The following ATRNL1 variants were observed in gnomAD, a reference collection of about 807,000 sequenced individuals.
ATRNL1 encodes the protein attractin-like protein 1.
Under a neutral mutation model 182.7 loss-of-function variants are expected in ATRNL1, and 95 were observed. That is an observed-to-expected ratio of 0.52 (90% CI 0.44 to 0.62). The LOEUF is 0.62. Among genes scored for constraint, ATRNL1 ranks in the 20% least tolerant of loss-of-function variants. The probability of loss-of-function intolerance (pLI) is 0.00; values close to 1 mark genes in which losing one functional copy is unlikely to be tolerated. For missense variants in ATRNL1, 1,471 were observed against 1,679.5 expected, an observed-to-expected ratio of 0.88 and a Z score of 2.17; for synonymous variants, 576 against 568.3, an observed-to-expected ratio of 1.01 and a Z score of -0.19.
chr10:115,729,495 T>TTGTGTGTGTGTGTGTGTGTGTGTGTGTG (rs139166434), intron 27 of ATRNL1, among the ~76,000 whole-genome samples: 1 of 142,100 alleles, frequency 7.0e-6, no homozygotes, highest in African/African-American at 2.6e-5. Context: ...CTACCCCATT[T>TTGTGTGTGTGTGTGTGTGTGTGTGTGTG]TGTGTGTGTG....
intron 5 of ATRNL1, among the ~76,000 whole-genome samples, chr10:115,137,146 C>G (rs782264372): frequency 2.0e-5 from 3 of 152,060 alleles, no homozygotes; most frequent in Admixed American, 6.6e-5. Flanking sequence ...GAGCCAAGAT[C>G]GCACCATTGC....
At chr10:115,131,873 T>C (rs924686501) in intron 5 of ATRNL1, among the ~76,000 whole-genome samples, 1 of 152,224 alleles carries the variant, frequency 6.6e-6, no homozygotes, top group Non-Finnish European at 1.5e-5. Flanking sequence ...ACTTGGGTTT[T>C]ATTAAGATAA....
chr10:115,172,197 A>T (rs1481769513), intron 8 of ATRNL1, among the ~76,000 whole-genome samples: 9 of 151,950 alleles, frequency 5.9e-5, no homozygotes, highest in African/African-American at 1.9e-4. Context: ...TTGTTTACAT[A>T]TTCTCAGTAC....
At chr10:115,542,892 A>T (rs540293601) in intron 25 of ATRNL1, among the ~76,000 whole-genome samples, 20 of 152,180 alleles carry the variant, frequency 1.3e-4, no homozygotes, top group Admixed American at 5.2e-4. Context: ...GCAGGAAGAG[A>T]GGGAGAGTAT....
At chr10:115,216,201 A>G (rs563470990) in intron 9 of ATRNL1, among the ~76,000 whole-genome samples, 8 of 152,362 alleles carry the variant, frequency 5.3e-5, no homozygotes, top group Admixed American at 2.0e-4. Context: ...GTTATAAACA[A>G]TGCTACACTG....
intron 1 of ATRNL1, among the ~76,000 whole-genome samples, chr10:115,098,716 T>TA (rs2085084732): frequency 6.6e-6 from 1 of 151,782 alleles, no homozygotes; most frequent in Admixed American, 6.6e-5. Context: ...CTCGGCCTCC[T>TA]AAAGTGCTGG....
chr10:115,289,882 T>C (rs1004621861), intron 15 of ATRNL1, among the ~76,000 whole-genome samples: 8 of 152,224 alleles, frequency 5.3e-5, no homozygotes, highest in African/African-American at 1.7e-4. Flanking sequence ...TTTTGTTCCA[T>C]ACAGGTTTTA....
chr10:115,203,750 T>C lies in ATRNL1; in HGVS notation c.1349-11947T>C, dbSNP rs1424411198. On this transcript the variant is annotated intron_variant, in intron 8 of 28. Transcript: ENST00000355044. The stretch of plus-strand genomic sequence containing the variant: ...GTGCACCACCATGCCTGGCTATTTT[T>C]TTTTTTTTTTTTTTTTTTGTATTTT... Among the ~76,000 whole-genome samples, 12 of 141,936 alleles carry C rather than the reference T, an allele frequency of 8.5e-5. No homozygotes were observed. The Admixed American group carries it at 8.6e-4, about 10-fold the overall frequency. 93.1% of individuals were successfully genotyped at this position (141,936 alleles called of 152,430 possible).
At chr10:115,476,364 A>G (rs528309401) in intron 24 of ATRNL1, among the ~76,000 whole-genome samples, 51 of 151,440 alleles carry the variant, frequency 3.4e-4, no homozygotes, top group African/African-American at 1.2e-3. Flanking sequence ...TAAAAAGCAA[A>G]GTGCCTTCTG....
intron 18 of ATRNL1, among the ~76,000 whole-genome samples, chr10:115,320,555 A>T (rs1854529231): frequency 6.6e-6 from 1 of 151,990 alleles, no homozygotes; most frequent in Non-Finnish European, 1.5e-5. Flanking sequence ...TGGTTTCTTT[A>T]CGAGGTCCCA....
intron 24 of ATRNL1, among the ~76,000 whole-genome samples, chr10:115,509,670 G>A (rs1554982173): frequency 1.3e-5 from 2 of 151,848 alleles, no homozygotes; most frequent in African/African-American, 4.8e-5. Context: ...AGCCAATTAA[G>A]CCCCTTTTCT....
intron 26 of ATRNL1, among the ~76,000 whole-genome samples, chr10:115,640,219 A>G (rs2133854680): frequency 6.6e-6 from 1 of 152,340 alleles, no homozygotes; most frequent in East Asian, 1.9e-4. Context: ...TATTGTGAAT[A>G]GCGCTGCAAT....
At chr10:115,593,953 C>A (rs1367498685) in intron 26 of ATRNL1, among the ~76,000 whole-genome samples, 2 of 151,696 alleles carry the variant, frequency 1.3e-5, no homozygotes, top group African/African-American at 4.8e-5. Flanking sequence ...TTAAATGACC[C>A]AAGAGAGATG....
chr10:115,823,456 G>C (rs112516905), intron 27 of ATRNL1, among the ~76,000 whole-genome samples: 19 of 152,184 alleles, frequency 1.2e-4, no homozygotes, highest in African/African-American at 3.6e-4. Flanking sequence ...AGAAATAAAG[G>C]GTATTCAATT....
rs1331930645 is a variant in ATRNL1 at position 115,583,869 on chromosome 10, A to G, written c.3795+34333A>G. 4.6e-5 allele frequency among the ~76,000 whole-genome samples: 7 copies of G among 150,918 alleles called. No individual in the cohort carries two copies. The East Asian group carries it at 1.2e-3, about 26-fold the overall frequency. The stretch of plus-strand genomic sequence containing the variant: ...TGCTTCCAGTTTTTGCCCATTCAGT[A>G]TGATATTGGCTGTGGGTTTGTCATA... On this transcript the variant is annotated intron_variant, in intron 26 of 28. Coordinates refer to ENST00000355044, the MANE Select transcript of ATRNL1 (RefSeq NM_207303.4).
In ATRNL1 at chr10:115,929,537, C is replaced by A. The variant is rs1028140628; in HGVS notation, c.4019-15121C>A. On this transcript the variant is annotated intron_variant, in intron 28 of 28. Transcript: ENST00000355044. The stretch of plus-strand genomic sequence containing the variant: ...AGAGACATGCCAGGTATGAAGGAAC[C>A]CAAGGCTGGAGTAGGTCAGAGGGTC... Among the ~76,000 whole-genome samples the A allele has an allele frequency of 3.3e-5, 5 of 152,080 alleles. No homozygotes were observed. In the East Asian group the frequency reaches 9.6e-4, roughly 29 times the overall value.
chr10:115,835,275 C>T (rs1238779082), intron 27 of ATRNL1, among the ~76,000 whole-genome samples: 2 of 152,040 alleles, frequency 1.3e-5, no homozygotes, highest in African/African-American at 2.4e-5. Flanking sequence ...TGACCTCTTC[C>T]TCTGAAAGCT....
At chr10:115,887,910 C>A (rs1951988735) in intron 28 of ATRNL1, among the ~76,000 whole-genome samples, 1 of 152,042 alleles carries the variant, frequency 6.6e-6, no homozygotes, top group East Asian at 1.9e-4. Flanking sequence ...TGAACTGGCC[C>A]CCCTGCTTCC....
At chr10:115,203,285 C>G (rs1340058801) in intron 8 of ATRNL1, among the ~76,000 whole-genome samples, 10 of 152,046 alleles carry the variant, frequency 6.6e-5, no homozygotes, top group Admixed American at 3.3e-4. Context: ...AAACCTAGAG[C>G]AGTAATAGAG....
Sources: allele counts gnomAD v4.1 joint callset (sites outside exome capture counted in the v4.1 genomes callset), GRCh38; gene constraint gnomAD v4.1.1; transcripts MANE v1.5; gene names NCBI Gene and HGNC (gene_info 2026-07-23, HGNC 2026-07-21).